Variants in CDH13 observed in about 807,000 individuals in gnomAD.
CDH13 encodes cadherin 13.
A neutral mutation model predicts 63.8 loss-of-function variants in CDH13; 24 were observed. That is an observed-to-expected ratio of 0.38 (90% CI 0.27 to 0.53). The LOEUF is 0.53. Among genes scored for constraint, CDH13 ranks in the 20% least tolerant of loss-of-function variants. The probability of loss-of-function intolerance (pLI) is 0.85; values close to 1 mark genes in which losing one functional copy is unlikely to be tolerated. For missense variants in CDH13, 1,049 were observed against 903.1 expected (o/e 1.16, Z -2.07); for synonymous variants, 503 against 355.3 (o/e 1.42, Z -4.67).
chr16:83,080,515 C>G (rs1282942433), intron 3 of CDH13, among the ~76,000 whole-genome samples: 2 of 152,164 alleles, frequency 1.3e-5, no homozygotes, highest in Non-Finnish European at 2.9e-5. Flanking sequence ...CTGTGACTAT[C>G]TAATGCAATC....
intron 7 of CDH13, among the ~76,000 whole-genome samples, chr16:83,535,645 C>T (rs1423517365): frequency 3.9e-5 from 6 of 152,132 alleles, no homozygotes; most frequent in African/African-American, 1.2e-4. Context: ...AAATGCTGAG[C>T]CAACTGTGCA....
intron 4 of CDH13, among the ~76,000 whole-genome samples, chr16:83,173,683 T>C (rs531724357): frequency 6.6e-6 from 1 of 152,266 alleles, no homozygotes; most frequent in East Asian, 1.9e-4. Context: ...TGGCAAACTA[T>C]ATGAAAGATG....
intron 6 of CDH13, among the ~76,000 whole-genome samples, chr16:83,477,456 T>G (rs2073634693): frequency 6.6e-6 from 1 of 152,184 alleles, no homozygotes; most frequent in African/African-American, 2.4e-5. Flanking sequence ...CATTCTCATT[T>G]TAAAGAGCAC....
chr16:83,079,702 G>A (rs570439972), intron 3 of CDH13, among the ~76,000 whole-genome samples: 32 of 152,164 alleles, frequency 2.1e-4, no homozygotes, highest in Non-Finnish European at 4.3e-4. Context: ...TGGCATGTAC[G>A]CAAATGTGTT....
intron 2 of CDH13, among the ~76,000 whole-genome samples, chr16:83,010,265 A>G (rs1914011747): frequency 6.6e-6 from 1 of 151,628 alleles, no homozygotes; most frequent in Non-Finnish European, 1.5e-5. Context: ...TCCTTGGTCC[A>G]CGCCAATCCC....
intron 7 of CDH13, among the ~76,000 whole-genome samples, chr16:83,534,427 C>A (rs992588609): frequency 4.6e-5 from 7 of 152,170 alleles, no homozygotes; most frequent in Non-Finnish European, 8.8e-5. Context: ...CATTAAATAA[C>A]CTTCTTCAGG....
At chr16:83,024,783 A>C (rs1915649388) in intron 2 of CDH13, among the ~76,000 whole-genome samples, 1 of 152,244 alleles carries the variant, frequency 6.6e-6, no homozygotes, top group South Asian at 2.1e-4. Flanking sequence ...ATATCGAACA[A>C]AACTTTGTTG....
chr16:83,680,292 C>G (rs1598465998), intron 10 of CDH13, among the ~76,000 whole-genome samples: 1 of 152,196 alleles, frequency 6.6e-6, no homozygotes, highest in East Asian at 1.9e-4. Context: ...GGGTCATGCA[C>G]CTCCCTGCTC....
intron 6 of CDH13, among the ~76,000 whole-genome samples, chr16:83,437,991 C>T (rs1373600821): frequency 1.3e-5 from 2 of 152,154 alleles, no homozygotes; most frequent in Admixed American, 6.5e-5. Flanking sequence ...CATGTGCATG[C>T]TCCTATCCTC....
chr16:83,513,682 C>T (rs1266319200), intron 7 of CDH13, among the ~76,000 whole-genome samples: 3 of 152,138 alleles, frequency 2.0e-5, no homozygotes, highest in Admixed American at 1.3e-4. Context: ...ATCATGAGAA[C>T]AGCATGAGGG....
intron 7 of CDH13, among the ~76,000 whole-genome samples, chr16:83,580,793 G>C (rs959604731): frequency 6.6e-6 from 1 of 151,998 alleles, no homozygotes; most frequent in African/African-American, 2.4e-5. Context: ...CACCCAGCCT[G>C]TTCATTTCTA....
intron 2 of CDH13, among the ~76,000 whole-genome samples, chr16:82,974,496 C>T (rs72792103): frequency 0.12 from 18,491 of 152,128 alleles, 1,309 homozygotes; most frequent in Middle Eastern, 0.17. Flanking sequence ...GTATGACAGG[C>T]AGAATAATGA....
intron 4 of CDH13, among the ~76,000 whole-genome samples, chr16:83,199,745 G>A (rs1374935529): frequency 1.3e-5 from 2 of 152,194 alleles, no homozygotes; most frequent in Non-Finnish European, 2.9e-5. Flanking sequence ...GGTACAATGT[G>A]CTTTAGGGAT....
At chr16:83,275,521 C>G (rs1361633063) in intron 5 of CDH13, among the ~76,000 whole-genome samples, 1 of 152,046 alleles carries the variant, frequency 6.6e-6, no homozygotes, top group African/African-American at 2.4e-5. Context: ...TGTTTTATTT[C>G]CTTGATCTTG....
chr16:83,788,071 G>A (rs187971878), intron 13 of CDH13, among the ~76,000 whole-genome samples: 206 of 152,342 alleles, frequency 1.4e-3, no homozygotes, highest in Middle Eastern at 3.4e-3. Flanking sequence ...ATATACACAC[G>A]TACATGTATG....
chr16:83,608,857 A>C (rs1261243106), intron 8 of CDH13, among the ~76,000 whole-genome samples: 1 of 152,070 alleles, frequency 6.6e-6, no homozygotes, highest in Non-Finnish European at 1.5e-5. Flanking sequence ...TGCCTAATAC[A>C]ACCTCTAATA....
At chr16:83,014,748 ATATATATATATATATATATATATATATG>A (rs1352331713) in intron 2 of CDH13, among the ~76,000 whole-genome samples, 756 of 28,932 alleles carry the variant, frequency 0.026, 39 homozygotes, top group African/African-American at 0.071. Context: ...AAAAAAATAT[ATATATATATATATATATATATATATATG>A]TATATATATA....
chr16:83,589,416 C>G (rs923694371), intron 7 of CDH13, among the ~76,000 whole-genome samples: 1 of 150,786 alleles, frequency 6.6e-6, no homozygotes, highest in African/African-American at 2.4e-5. Context: ...CATCTACTCC[C>G]GCTGACACTG....
chr16:82,700,150 T>A (rs2030807058), intron 1 of CDH13, among the ~76,000 whole-genome samples: 2 of 152,222 alleles, frequency 1.3e-5, no homozygotes, highest in Non-Finnish European at 2.9e-5. Context: ...ATATTGGGGA[T>A]CATTTAGGTT....
Sources: gnomAD v4.1 joint callset for allele counts (sites outside exome capture counted in the v4.1 genomes callset) on GRCh38, gnomAD v4.1.1 for gene constraint, MANE v1.5 for transcripts, NCBI Gene and HGNC (gene_info 2026-07-23, HGNC 2026-07-21) for gene names.